The following PIK3CB variants were observed in gnomAD, a reference collection of about 807,000 sequenced individuals.
The protein encoded by PIK3CB is phosphatidylinositol-4,5-bisphosphate 3-kinase catalytic subunit beta.
Under a neutral mutation model 136.8 loss-of-function variants are expected in PIK3CB, and 39 were observed. That is an observed-to-expected ratio of 0.29 (90% CI 0.22 to 0.37). PIK3CB has a LOEUF of 0.37. Among genes scored for constraint, PIK3CB ranks in the 10% least tolerant of loss-of-function variants. The pLI is 1.00. For missense variants in PIK3CB, 868 were observed against 1,275.4 expected, an observed-to-expected ratio of 0.68 and a Z score of 4.87; for synonymous variants, 428 against 436.6, an observed-to-expected ratio of 0.98 and a Z score of 0.25.
chr3:138,716,389 T>A (rs1236587517), intron 8 of PIK3CB, among the ~76,000 whole-genome samples: 1 of 152,118 alleles, frequency 6.6e-6, no homozygotes, highest in African/African-American at 2.4e-5. Flanking sequence ...CAAACAAAAA[T>A]CTACCTTAGA....
At chr3:138,810,948 C>A (rs1360283290) in intron 1 of PIK3CB, among the ~76,000 whole-genome samples, 1 of 151,862 alleles carries the variant, frequency 6.6e-6, no homozygotes, top group African/African-American at 2.4e-5. Flanking sequence ...TAAATGTCGG[C>A]CGGGCGCGGT....
intron 2 of PIK3CB, among the ~76,000 whole-genome samples, chr3:138,789,070 T>A (rs1441066663): frequency 1.3e-5 from 2 of 151,640 alleles, no homozygotes; most frequent in African/African-American, 4.9e-5. Flanking sequence ...AAATCTTGTG[T>A]ATTGCTGGTG....
At chr3:138,754,108 T>C (rs2045522346) in intron 4 of PIK3CB, among the ~76,000 whole-genome samples, 1 of 152,156 alleles carries the variant, frequency 6.6e-6, no homozygotes, top group South Asian at 2.1e-4. Flanking sequence ...CTTCAACTTT[T>C]TATGGGCATG....
chr3:138,752,655 G>C (rs959414392), intron 4 of PIK3CB, among the ~76,000 whole-genome samples: 1 of 151,560 alleles, frequency 6.6e-6, no homozygotes, highest in African/African-American at 2.4e-5. Flanking sequence ...GTTGCAGTGA[G>C]CCAAAAAGGC....
At chr3:138,689,056 C>G in intron 15 of PIK3CB, 82 bp from the exon 16 acceptor site, 1 of 811,200 alleles carries the variant, frequency 1.2e-6, no homozygotes, top group South Asian at 1.6e-5. Context: ...CTTTATTCTA[C>G]AAAAAATAAA....
In PIK3CB at chr3:138,714,453, T is replaced by C. The variant is rs371861686; in HGVS notation, c.1302+15A>G. 25 of 1,550,648 alleles carry C rather than the reference T, an allele frequency of 1.6e-5. No individual in the cohort carries two copies. The South Asian group carries it at 2.2e-4, about 14-fold the overall frequency. On this transcript the variant is annotated intron_variant, in intron 9 of 23. Coordinates refer to ENST00000674063, the MANE Select transcript of PIK3CB (RefSeq NM_006219.3). ...CGTTATATAAAACAATCCTCAGAAG[T>C]TGGTATATCATTACCACTTTTCCAG...
At chr3:138,831,201 G>T (rs981478515) in intron 1 of PIK3CB, among the ~76,000 whole-genome samples, 1 of 149,978 alleles carries the variant, frequency 6.7e-6, no homozygotes, top group Non-Finnish European at 1.5e-5. Context: ...ACAGGAGAAC[G>T]GCGTGAACCC....
chr3:138,716,094 T>C (rs2044600855), intron 8 of PIK3CB, among the ~76,000 whole-genome samples: 1 of 152,192 alleles, frequency 6.6e-6, no homozygotes. Context: ...AATTGGTTAT[T>C]CTAAACACAG....
chr3:138,755,538 C>A (rs920102570), intron 4 of PIK3CB, among the ~76,000 whole-genome samples: 7 of 151,854 alleles, frequency 4.6e-5, no homozygotes, highest in Admixed American at 2.6e-4. Flanking sequence ...TAAACATAAG[C>A]CCTTGGATGC....
At chr3:138,812,621 G>C (rs542233822) in intron 1 of PIK3CB, among the ~76,000 whole-genome samples, 1 of 151,408 alleles carries the variant, frequency 6.6e-6, no homozygotes, top group African/African-American at 2.4e-5. Flanking sequence ...CCTGACTCCC[G>C]GGTTCAAGCG....
At chr3:138,730,787 C>T (rs552108034) in intron 8 of PIK3CB, among the ~76,000 whole-genome samples, 57 of 152,110 alleles carry the variant, frequency 3.7e-4, no homozygotes, top group African/African-American at 1.2e-3. Flanking sequence ...TAAAAATTAG[C>T]TGGAAGTGAT....
At chr3:138,755,314 T>G (rs971326537) in intron 4 of PIK3CB, among the ~76,000 whole-genome samples, 2 of 152,158 alleles carry the variant, frequency 1.3e-5, no homozygotes, top group Non-Finnish European at 2.9e-5. Flanking sequence ...ACTTTTTTCT[T>G]TCCAATCCAT....
intron 1 of PIK3CB, among the ~76,000 whole-genome samples, chr3:138,812,753 T>C (rs2108875592): frequency 6.6e-6 from 1 of 152,012 alleles, no homozygotes; most frequent in East Asian, 1.9e-4. Flanking sequence ...GGTCTCGAAC[T>C]CCTTACATCA....
At chr3:138,830,145 G>C (rs529562120) in intron 1 of PIK3CB, among the ~76,000 whole-genome samples, 2 of 152,126 alleles carry the variant, frequency 1.3e-5, no homozygotes, top group Admixed American at 6.6e-5. Context: ...AGAGTGAAGA[G>C]GAGGAAAGCC....
intron 2 of PIK3CB, among the ~76,000 whole-genome samples, chr3:138,760,478 C>T (rs569995530): frequency 6.6e-6 from 1 of 152,218 alleles, no homozygotes; most frequent in South Asian, 2.1e-4. Flanking sequence ...TTAATAGTGC[C>T]ATTTAAGTCT....
chr3:138,704,781 G>A (rs991763111), intron 11 of PIK3CB, among the ~76,000 whole-genome samples: 16 of 152,012 alleles, frequency 1.1e-4, no homozygotes, highest in African/African-American at 3.6e-4. Context: ...TTTCTTTTAA[G>A]TATAAGTAAA....
intron 19 of PIK3CB, among the ~76,000 whole-genome samples, chr3:138,666,762 G>A (rs1040895616): frequency 6.6e-6 from 1 of 152,164 alleles, no homozygotes; most frequent in Non-Finnish European, 1.5e-5. Flanking sequence ...ACCAAGCATT[G>A]TGTTAGATCC....
chr3:138,832,724 G>T (rs1934087794), intron 1 of PIK3CB, among the ~76,000 whole-genome samples: 1 of 151,600 alleles, frequency 6.6e-6, no homozygotes, highest in Non-Finnish European at 1.5e-5. Flanking sequence ...AACTACTCGG[G>T]AGGCTATGGC....
At chr3:138,677,889 C>T (rs548054719) in intron 19 of PIK3CB, among the ~76,000 whole-genome samples, 6 of 152,188 alleles carry the variant, frequency 3.9e-5, no homozygotes, top group Middle Eastern at 3.4e-3. Flanking sequence ...GAGGGAAACT[C>T]CCGTTTCAAA....
Sources: gnomAD v4.1 joint callset for allele counts (sites outside exome capture counted in the v4.1 genomes callset) on GRCh38, gnomAD v4.1.1 for gene constraint, MANE v1.5 for transcripts, NCBI Gene and HGNC (gene_info 2026-07-23, HGNC 2026-07-21) for gene names.